EXOC3L2: variants seen among roughly 807,000 people sequenced by gnomAD.
The protein encoded by EXOC3L2 is exocyst complex component 3-like protein 2.
A neutral mutation model predicts 44.4 loss-of-function variants in EXOC3L2; 17 were observed. The observed-to-expected ratio is 0.38, with a 90% confidence interval of 0.26 to 0.57. The LOEUF (loss-of-function observed/expected upper bound fraction) is 0.57, where lower values mean the gene tolerates loss of function less well. Ranked by LOEUF, EXOC3L2 falls within the 20% of genes least tolerant of loss-of-function variation. The pLI is 0.65. For synonymous variants in EXOC3L2, 256 were observed against 253.7 expected (o/e 1.01, Z -0.09); for missense variants, 541 against 588.4 (o/e 0.92, Z 0.83).
At chr19:45,228,096 G>T (rs1969986559) in intron 5 of EXOC3L2, 22 bp from the exon 6 acceptor site, 2 of 1,613,978 alleles carry the variant, frequency 1.2e-6, no homozygotes, top group African/African-American at 2.7e-5. Context: ...AGGGCGACAA[G>T]AAGAGGTGAG....
chr19:45,243,197 T>G (rs1485545992), intron 1 of EXOC3L2, among the ~76,000 whole-genome samples: 2 of 152,248 alleles, frequency 1.3e-5, no homozygotes, highest in Non-Finnish European at 2.9e-5. Context: ...CTATGTAATA[T>G]TCCACTATAT....
rs554194618 is a variant in EXOC3L2, at chr19:45,234,860, G to C, written c.524-34C>G. On this transcript the variant is annotated intron_variant, in intron 2 of 11. Coordinates refer to ENST00000413988, the MANE Select transcript of EXOC3L2 (RefSeq NM_001382422.1). This position sits in a 1 kb window ranked among gnomAD's most constrained non-coding sequence, Gnocchi z 5.0. ...GCAAAGCGGGAGGTCAGCAGTGCGC[G>C]GGGGGGAGGAGGGCGATGCCGGACG... is the stretch of plus-strand genomic sequence containing the variant. 2.3e-5 allele frequency: 9 copies of C among 384,732 alleles called. No individual in the cohort carries two copies. The highest frequency in any genetic ancestry group is 1.0e-4 in the African/African-American group (5 of 48,062). The allele number at this position is 384,732 out of a possible 1,614,324, so 23.8% of individuals were successfully genotyped here. A position where few individuals can be genotyped will look rare whatever the true frequency, so the allele number is the denominator to read the frequency against.
Position 45,238,515 on chromosome 19 carries a change from G to A in EXOC3L2, c.523+8C>T, listed in dbSNP as rs1366837758. ...TCTCCCAGGACAGGGTCAGGGCTCC[G>A]GACTCACCTGACAATGGCTCCTTCA... is the stretch of plus-strand genomic sequence containing the variant. On this transcript the variant is annotated splice_region_variant and intron_variant, in intron 2 of 11. Transcript: ENST00000413988. This position sits in a 1 kb window ranked among gnomAD's most constrained non-coding sequence, Gnocchi z 5.5. 2 of 399,452 alleles carry A rather than the reference G, an allele frequency of 5.0e-6. No homozygotes were observed. The highest frequency in any genetic ancestry group is 2.1e-5 in the African/African-American group (1 of 48,642). 24.7% of individuals were successfully genotyped at this position (399,452 alleles called of 1,614,324 possible). A position where few individuals can be genotyped will look rare whatever the true frequency, so the allele number is the denominator to read the frequency against.
intron 8 of EXOC3L2, among the ~76,000 whole-genome samples, chr19:45,220,269 C>T (rs1163355917): frequency 6.6e-6 from 1 of 151,840 alleles, no homozygotes; most frequent in Non-Finnish European, 1.5e-5. Context: ...ATTGCTTGAG[C>T]CAAGGGCAAC....
intron 1 of EXOC3L2, among the ~76,000 whole-genome samples, chr19:45,239,788 G>A (rs1970115877): frequency 6.6e-6 from 1 of 152,128 alleles, no homozygotes; most frequent in African/African-American, 2.4e-5. Flanking sequence ...CCAAAGTGCT[G>A]GGATTACAAG....
intron 6 of EXOC3L2, 65 bp downstream of exon 6, chr19:45,227,909 A>G (rs1969983315): frequency 3.9e-6 from 6 of 1,548,766 alleles, no homozygotes; most frequent in Middle Eastern, 2.2e-4. Context: ...TCCTCTCTCT[A>G]TTGGATCCCA....
rs1427407135 is a variant in EXOC3L2, at chr19:45,234,864, G to C, written c.524-38C>G. On this transcript the variant is annotated intron_variant, in intron 2 of 11. Transcript: ENST00000413988. The surrounding 1 kb of genome is among the most constrained non-coding windows in gnomAD (Gnocchi z 5.0). Reference sequence around the variant, plus strand: ...AGCGGGAGGTCAGCAGTGCGCGGGGGGGAGGAGGGCGATGCCGGACGCGGG... The same window carrying C: ...AGCGGGAGGTCAGCAGTGCGCGGGGCGGAGGAGGGCGATGCCGGACGCGGG... The C allele has an allele frequency of 7.7e-6, 3 of 389,636 alleles. No individual in the cohort carries two copies. The highest frequency in any genetic ancestry group is 1.4e-5 in the Non-Finnish European group (3 of 220,182). 24.1% of individuals were successfully genotyped at this position (389,636 alleles called of 1,614,324 possible).
intron 8 of EXOC3L2, among the ~76,000 whole-genome samples, chr19:45,220,311 TG>T (rs202180860): frequency 0.012 from 1,862 of 150,718 alleles, 19 homozygotes; most frequent in South Asian, 0.025. Context: ...AATTTTTTTT[TG>T]TTTGTTTAAT....
At chr19:45,222,827 C>T (rs1343107161) in intron 8 of EXOC3L2, among the ~76,000 whole-genome samples, 1 of 152,224 alleles carries the variant, frequency 6.6e-6, no homozygotes, top group Non-Finnish European at 1.5e-5. Flanking sequence ...CTGGTCTCAT[C>T]TTCCTCACCT....
intron 4 of EXOC3L2, among the ~76,000 whole-genome samples, chr19:45,229,231 ATT>A (rs1342734136): frequency 5.4e-4 from 66 of 121,650 alleles, no homozygotes; most frequent in East Asian, 1.2e-3. Flanking sequence ...ATATACATAT[ATT>A]TATGTATTAA....
chr19:45,227,211 G>A (rs566202970), intron 7 of EXOC3L2, among the ~76,000 whole-genome samples: 21 of 148,310 alleles, frequency 1.4e-4, no homozygotes, highest in African/African-American at 4.5e-4. Flanking sequence ...TCCGCCTCCC[G>A]GGTTCTCACC....
At chr19:45,224,953 A>G (rs968845180) in intron 7 of EXOC3L2, 40 bp from the exon 8 acceptor site, 2 of 1,489,368 alleles carry the variant, frequency 1.3e-6, no homozygotes, top group African/African-American at 1.4e-5. Context: ...GGACCCCAAC[A>G]TCTCAGCCCA....
chr19:45,226,814 G>A (rs1969967587), intron 7 of EXOC3L2, among the ~76,000 whole-genome samples: 3 of 143,822 alleles, frequency 2.1e-5, no homozygotes, highest in East Asian at 2.0e-4. Flanking sequence ...GTGTAGTGGC[G>A]CGATCTCAGC....
chr19:45,227,966 TC>T lies in EXOC3L2; in HGVS notation c.1472+7del. 6.2e-7 allele frequency: 1 copy of T among 1,612,778 alleles called. No individual in the cohort carries two copies. On this transcript the variant is annotated splice_region_variant and intron_variant, in intron 6 of 11. Coordinates refer to ENST00000413988, the MANE Select transcript of EXOC3L2 (RefSeq NM_001382422.1). ...GCAGAGCTAACCTGTGCTCCCAGGTTCCCCTACCTCTGCAGGAACTCTGCCA... is the reference window on the plus strand; with the variant it reads ...GCAGAGCTAACCTGTGCTCCCAGGTTCCCTACCTCTGCAGGAACTCTGCCA...
intron 8 of EXOC3L2, 45 bp downstream of exon 8, chr19:45,224,733 C>T (rs1969936577): frequency 1.3e-6 from 2 of 1,534,150 alleles, no homozygotes; most frequent in Non-Finnish European, 1.8e-6. Context: ...GCAGCGCTTC[C>T]CTGTCCTGGC....
At chr19:45,223,354 T>A (rs781324968) in intron 8 of EXOC3L2, among the ~76,000 whole-genome samples, 1 of 149,786 alleles carries the variant, frequency 6.7e-6, no homozygotes, top group Non-Finnish European at 1.5e-5. Context: ...TGTTTTTTTG[T>A]TTTTTGAGAG....
Position 45,241,769 on chromosome 19 carries a change from G to A in EXOC3L2, c.-16-2708C>T, listed in dbSNP as rs541971336. On this transcript the variant is annotated intron_variant, in intron 1 of 11. Coordinates refer to ENST00000413988, the MANE Select transcript of EXOC3L2 (RefSeq NM_001382422.1). ...CTCAGCCCCATGCCCCCTCCTCCAG[G>A]AAGCCCTCTGTGACCCTCAGGCTCC... 2.0e-5 allele frequency among the ~76,000 whole-genome samples: 3 copies of A among 150,674 alleles called. No individual in the cohort carries two copies. The South Asian group carries it at 6.4e-4, about 32-fold the overall frequency.
At chr19:45,228,626 G>A (rs1277148146) in intron 4 of EXOC3L2, among the ~76,000 whole-genome samples, 1 of 151,934 alleles carries the variant, frequency 6.6e-6, no homozygotes, top group African/African-American at 2.4e-5. Flanking sequence ...ACAAAAATTA[G>A]CTGGGCGTGG....
intron 7 of EXOC3L2, among the ~76,000 whole-genome samples, chr19:45,225,849 C>T (rs1969954362): frequency 6.6e-6 from 1 of 151,972 alleles, no homozygotes; most frequent in Admixed American, 6.6e-5. Context: ...TCTTGAACTC[C>T]TGGCCTCAAG....
Sources: gnomAD v4.1 joint callset for allele counts (sites outside exome capture counted in the v4.1 genomes callset) on GRCh38, gnomAD v4.1.1 for gene constraint, Gnocchi (gnomAD v3.1) non-coding constraint, MANE v1.5 for transcripts, NCBI Gene and HGNC (gene_info 2026-07-23, HGNC 2026-07-21) for gene names.